The following PTPRD variants were observed in gnomAD, a reference collection of about 807,000 sequenced individuals.
PTPRD encodes receptor-type tyrosine-protein phosphatase delta.
A neutral mutation model predicts 214.5 loss-of-function variants in PTPRD; 34 were observed. The ratio of observed to expected loss-of-function variants is 0.16; its 90% CI spans 0.12 to 0.21. The LOEUF (loss-of-function observed/expected upper bound fraction) is 0.21, where lower values mean the gene tolerates loss of function less well. Ranked by LOEUF, PTPRD falls within the 10% of genes least tolerant of loss-of-function variation. PTPRD has a pLI of 1.00. For missense variants in PTPRD, 2,545 were observed against 2,398.7 expected, an observed-to-expected ratio of 1.06 and a Z score of -1.27; for synonymous variants, 1,128 against 845.7, an observed-to-expected ratio of 1.33 and a Z score of -5.79.
At chr9:10,322,589 A>G (rs117410208) in intron 3 of PTPRD, among the ~76,000 whole-genome samples, 5,087 of 152,172 alleles carry the variant, frequency 0.033, 302 homozygotes, top group Admixed American at 0.16. Flanking sequence ...GTTTGCTATT[A>G]TACTTGTCAC....
chr9:9,638,668 C>T (rs563889340), intron 7 of PTPRD, among the ~76,000 whole-genome samples: 4 of 152,254 alleles, frequency 2.6e-5, no homozygotes, highest in Admixed American at 1.3e-4. Context: ...GCCGAAACCA[C>T]TTCTATATAT....
At chr9:8,889,649 T>C (rs1158765607) in intron 11 of PTPRD, among the ~76,000 whole-genome samples, 1 of 150,866 alleles carries the variant, frequency 6.6e-6, no homozygotes, top group Admixed American at 6.6e-5. Context: ...AAGTTCATTG[T>C]ATCATTCTTA....
At chr9:9,858,668 G>C (rs968960791) in intron 5 of PTPRD, among the ~76,000 whole-genome samples, 1 of 151,882 alleles carries the variant, frequency 6.6e-6, no homozygotes, top group Admixed American at 6.6e-5. Flanking sequence ...TGGCTTACAG[G>C]GTTGTATATA....
chr9:8,702,652 C>T lies in PTPRD; in HGVS notation c.64+31128G>A, dbSNP rs116567132. ...TCTTTTAGACAGAGTCTTGCTATGTCGCCCCAGCTGGAGTGCAGTGGCACG... is the reference window on the plus strand; with the variant it reads ...TCTTTTAGACAGAGTCTTGCTATGTTGCCCCAGCTGGAGTGCAGTGGCACG... On this transcript the variant is annotated intron_variant, in intron 12 of 45. Coordinates refer to ENST00000381196, the MANE Select transcript of PTPRD (RefSeq NM_002839.4). Among the ~76,000 whole-genome samples, 554 of 152,296 alleles carry T rather than the reference C, an allele frequency of 3.6e-3. 2 individuals carry two copies. The highest frequency in any genetic ancestry group is 0.013 in the African/African-American group (530 of 41,560).
At chr9:8,334,088 T>C (rs940175064) in intron 43 of PTPRD, among the ~76,000 whole-genome samples, 5 of 152,104 alleles carry the variant, frequency 3.3e-5, no homozygotes, top group Non-Finnish European at 7.4e-5. Flanking sequence ...ACAATAATAA[T>C]AGGAGACTTT....
intron 3 of PTPRD, among the ~76,000 whole-genome samples, chr9:10,261,590 G>A (rs986691258): frequency 6.6e-6 from 1 of 152,054 alleles, no homozygotes; most frequent in Non-Finnish European, 1.5e-5. Flanking sequence ...TCCAATCTAA[G>A]CTTCTAAGAA....
intron 9 of PTPRD, among the ~76,000 whole-genome samples, chr9:9,230,632 T>C (rs1569564889): frequency 6.6e-6 from 1 of 152,044 alleles, no homozygotes; most frequent in Non-Finnish European, 1.5e-5. Flanking sequence ...CAGAATTGGA[T>C]TGAATGCTAG....
intron 2 of PTPRD, among the ~76,000 whole-genome samples, chr9:10,467,720 T>G (rs1324524004): frequency 6.6e-6 from 1 of 151,722 alleles, no homozygotes; most frequent in African/African-American, 2.4e-5. Flanking sequence ...TGTAATGGAG[T>G]AGAGAGAGAA....
chr9:8,691,242 T>C (rs951505091), intron 12 of PTPRD, among the ~76,000 whole-genome samples: 1 of 152,032 alleles, frequency 6.6e-6, no homozygotes, highest in African/African-American at 2.4e-5. Context: ...AGAAATGACA[T>C]TTTGATTAAA....
Position 9,441,030 on chromosome 9 carries a change from T to C in PTPRD, c.-236-43548A>G, listed in dbSNP as rs140671008. ...CCAGAGCTGAAATGTCCTGTGAGAC[T>C]TCCCCTCATTGGGCCAAAATGGCTG... is the stretch of plus-strand genomic sequence containing the variant. On this transcript the variant is annotated intron_variant, in intron 8 of 45. Coordinates refer to ENST00000381196, the MANE Select transcript of PTPRD (RefSeq NM_002839.4). Among the ~76,000 whole-genome samples, 964 of 152,324 alleles carry C rather than the reference T, an allele frequency of 6.3e-3. 8 individuals are homozygous for C. The highest frequency in any genetic ancestry group is 9.8e-3 in the Non-Finnish European group (664 of 68,044).
chr9:10,319,843 T>C (rs2154426768), intron 3 of PTPRD, among the ~76,000 whole-genome samples: 1 of 152,186 alleles, frequency 6.6e-6, no homozygotes, highest in African/African-American at 2.4e-5. Flanking sequence ...GCTAGGGGTT[T>C]AGCTAAAATG....
chr9:9,805,511 T>A (rs1256541548), intron 5 of PTPRD, among the ~76,000 whole-genome samples: 1 of 152,200 alleles, frequency 6.6e-6, no homozygotes, highest in African/African-American at 2.4e-5. Context: ...ATATTTGCTA[T>A]CTGAAGGAAC....
chr9:10,264,871 T>C (rs553098988), intron 3 of PTPRD, among the ~76,000 whole-genome samples: 5 of 152,230 alleles, frequency 3.3e-5, no homozygotes, highest in Admixed American at 1.3e-4. Context: ...GGGGAGATAA[T>C]TGAATCATGG....
At chr9:8,715,575 C>T (rs1206350280) in intron 12 of PTPRD, among the ~76,000 whole-genome samples, 3 of 152,148 alleles carry the variant, frequency 2.0e-5, no homozygotes, top group African/African-American at 7.2e-5. Context: ...TATTTAAAAA[C>T]CAATGCTCTT....
At chr9:9,866,976 G>A (rs2064125912) in intron 5 of PTPRD, among the ~76,000 whole-genome samples, 1 of 152,070 alleles carries the variant, frequency 6.6e-6, no homozygotes, top group Non-Finnish European at 1.5e-5. Flanking sequence ...TTTTGTTTGA[G>A]TATAGTCATG....
intron 3 of PTPRD, among the ~76,000 whole-genome samples, chr9:10,069,454 C>T (rs572083208): frequency 3.3e-5 from 5 of 152,066 alleles, no homozygotes; most frequent in South Asian, 2.1e-4. Context: ...CTCTACATAC[C>T]TTTCCAAACT....
At chr9:10,295,944 T>C (rs73644409) in intron 3 of PTPRD, among the ~76,000 whole-genome samples, 2 of 152,044 alleles carry the variant, frequency 1.3e-5, no homozygotes, top group Admixed American at 6.6e-5. Context: ...ACTGTCCACA[T>C]TGACCAAGAG....
intron 7 of PTPRD, among the ~76,000 whole-genome samples, chr9:9,671,563 T>C (rs934207386): frequency 3.9e-5 from 6 of 152,170 alleles, no homozygotes; most frequent in Non-Finnish European, 5.9e-5. Flanking sequence ...AAATCTCTTC[T>C]TGAATTGTAC....
At chr9:10,093,940 G>A (rs2098457774) in intron 3 of PTPRD, among the ~76,000 whole-genome samples, 2 of 151,328 alleles carry the variant, frequency 1.3e-5, no homozygotes, top group African/African-American at 4.8e-5. Flanking sequence ...TACTAGAGCA[G>A]GGAGAGAGAA....
Sources: gnomAD v4.1 joint callset for allele counts (sites outside exome capture counted in the v4.1 genomes callset) on GRCh38, gnomAD v4.1.1 for gene constraint, MANE v1.5 for transcripts, NCBI Gene and HGNC (gene_info 2026-07-23, HGNC 2026-07-21) for gene names.